The following DNAJC21 variants were observed in gnomAD, a reference collection of about 807,000 sequenced individuals.
DNAJC21 encodes the protein dnaJ homolog subfamily C member 21.
In DNAJC21, 63 loss-of-function variants were observed where a neutral mutation model predicts 72.4. The observed-to-expected ratio is 0.87, with a 90% CI of 0.71 to 1.07. The LOEUF is 1.07. Among genes scored for constraint, DNAJC21 ranks in the 50% least tolerant of loss-of-function variants. DNAJC21 has a pLI of 0.00. For synonymous variants in DNAJC21, 203 were observed against 216.7 expected (o/e 0.94, Z 0.56); for missense variants, 634 against 644.8 (o/e 0.98, Z 0.18).
intron 9 of DNAJC21, chr5:34,949,700 AG>A (rs1417659953): frequency 6.2e-7 from 1 of 1,612,410 alleles, no homozygotes; most frequent in Non-Finnish European, 8.5e-7. Context: ...TATGTTTGCC[AG>A]GCGTCTTTCT....
chr5:34,947,606 T>A (rs1411414278), intron 9 of DNAJC21, among the ~76,000 whole-genome samples: 1 of 151,986 alleles, frequency 6.6e-6, no homozygotes, highest in Admixed American at 6.6e-5. Context: ...TTGTATATGA[T>A]TCAAGGAGAG....
chr5:34,935,393 G>A (rs1764734706), intron 2 of DNAJC21, among the ~76,000 whole-genome samples: 1 of 152,104 alleles, frequency 6.6e-6, no homozygotes, highest in African/African-American at 2.4e-5. Flanking sequence ...GATTTCCTAT[G>A]TCCTGTTTTA....
intron 11 of DNAJC21, 126 bp downstream of exon 11, chr5:34,954,127 C>A: frequency 1.3e-6 from 1 of 795,710 alleles, no homozygotes; most frequent in Non-Finnish European, 1.9e-6. Flanking sequence ...GTGGATCCAT[C>A]AACAGTTTTG....
At chr5:34,947,735 T>C (rs1029457172) in intron 9 of DNAJC21, among the ~76,000 whole-genome samples, 2 of 150,892 alleles carry the variant, frequency 1.3e-5, no homozygotes, top group African/African-American at 4.9e-5. Context: ...CATTTAATCA[T>C]ATATAGAAGA....
Position 34,954,606 on chromosome 5 carries a change from AC to A in DNAJC21, c.1489del (p.Leu497PhefsTer5). 6.2e-7 allele frequency: 1 copy of A among 1,613,444 alleles called. No homozygotes were observed. The highest frequency in any genetic ancestry group is 8.5e-7 in the Non-Finnish European group (1 of 1,179,770). On this transcript the variant is annotated frameshift_variant, in exon 12 of 12. Transcript: ENST00000648817. LOFTEE classifies it high-confidence loss of function. ...CHSEFPSRNKLFDHLKATGHA... is the reference protein window; with the variant it reads ...CHSEFPSRNKXFDHLKATGHA... ...ATAGTGAATTTCCATCTCGGAATAA[AC>A]TTTTTGACCATCTAAAGGCCACAGG...
At chr5:34,950,424 T>C (rs1765324378) in intron 10 of DNAJC21, 82 bp downstream of exon 10, 1 of 1,503,166 alleles carries the variant, frequency 6.7e-7, no homozygotes, top group African/African-American at 1.4e-5. Flanking sequence ...AATAAAATCT[T>C]CTTTCCCATG....
At position 34,954,607 on chromosome 5, in the gene DNAJC21, C is replaced by A; in HGVS notation, c.1489C>A (p.Leu497Ile). The part of the protein sequence containing the change: ...CHSEFPSRNK[L>I]FDHLKATGHA... ...TAGTGAATTTCCATCTCGGAATAAA[C>A]TTTTTGACCATCTAAAGGCCACAGG... The change falls in exon 12 of 12, where the codon CTT becomes ATT. Residue 497 changes from leucine (L) to isoleucine (I), a missense_variant. Coordinates refer to ENST00000648817, the MANE Select transcript of DNAJC21 (RefSeq NM_001012339.3). The A allele has an allele frequency of 6.2e-7, 1 of 1,613,464 alleles. No individual in the cohort carries two copies. Among genetic ancestry groups the A allele is most frequent in the Non-Finnish European group, 8.5e-7 (1 of 1,179,774 alleles).
chr5:34,951,728 G>C (rs1450599635), intron 10 of DNAJC21: 4 of 869,402 alleles, frequency 4.6e-6, no homozygotes, highest in Admixed American at 6.2e-5. Context: ...GTTTCACCAT[G>C]TTGCACAGGG....
At chr5:34,951,802 G>A in intron 10 of DNAJC21, 1 of 985,618 alleles carries the variant, frequency 1.0e-6, no homozygotes, top group Non-Finnish European at 1.2e-6. Flanking sequence ...GGGATTGCAG[G>A]TGTGAGCTAC....
intron 10 of DNAJC21, chr5:34,950,752 G>A (rs1200217778): frequency 2.0e-6 from 2 of 988,910 alleles, no homozygotes; most frequent in African/African-American, 3.5e-5. Context: ...ACCATGTTGT[G>A]AGGACACATG....
At chr5:34,934,839 A>G (rs1171753585) in intron 2 of DNAJC21, among the ~76,000 whole-genome samples, 1 of 152,238 alleles carries the variant, frequency 6.6e-6, no homozygotes, top group Non-Finnish European at 1.5e-5. Context: ...AAAGGCTGCA[A>G]AGAAAATTCT....
chr5:34,947,794 G>T (rs1397154729), intron 9 of DNAJC21, among the ~76,000 whole-genome samples: 1 of 150,064 alleles, frequency 6.7e-6, no homozygotes, highest in Non-Finnish European at 1.5e-5. Flanking sequence ...TTCTGTCTTT[G>T]TGTCAGTACC....
chr5:34,946,170 T>TA (rs1404775435), intron 9 of DNAJC21, among the ~76,000 whole-genome samples: 1 of 152,166 alleles, frequency 6.6e-6, no homozygotes, highest in Non-Finnish European at 1.5e-5. Flanking sequence ...GTCATTTTTT[T>TA]ATCTCAGTTT....
At chr5:34,944,415 C>A (rs1439946647) in intron 7 of DNAJC21, among the ~76,000 whole-genome samples, 1 of 152,198 alleles carries the variant, frequency 6.6e-6, no homozygotes, top group African/African-American at 2.4e-5. Flanking sequence ...AGTGATCCCT[C>A]CAAGTCTGTG....
chr5:34,950,516 A>T, intron 10 of DNAJC21, 174 bp downstream of exon 10: 10 of 1,269,996 alleles, frequency 7.9e-6, no homozygotes, highest in Non-Finnish European at 9.9e-6. Flanking sequence ...AAGAGCGTTG[A>T]GAAGAGGATG....
At chr5:34,938,577 T>C (rs553879395) in intron 5 of DNAJC21, among the ~76,000 whole-genome samples, 4 of 152,338 alleles carry the variant, frequency 2.6e-5, no homozygotes, top group Admixed American at 2.6e-4. Context: ...ATTAACACTT[T>C]ACCTACATGA....
At chr5:34,941,263 T>G in intron 7 of DNAJC21, 80 bp downstream of exon 7, 4 of 1,291,046 alleles carry the variant, frequency 3.1e-6, no homozygotes, top group Non-Finnish European at 4.4e-6. Context: ...AGTGGCACAG[T>G]CATGACTCAC....
intron 6 of DNAJC21, 43 bp downstream of exon 6, chr5:34,939,052 T>C (rs907648703): frequency 4.2e-6 from 6 of 1,443,208 alleles, no homozygotes; most frequent in African/African-American, 1.4e-5. Flanking sequence ...GTTTTTTAAG[T>C]GAAGCTGGAA....
rs1429400677 is a variant in DNAJC21, at chr5:34,956,493, A to G, written c.*1779A>G. The G allele has an allele frequency of 2.6e-5, 4 of 152,176 alleles. No individual in the cohort carries two copies. Among genetic ancestry groups the G allele is most frequent in the Non-Finnish European group, 2.9e-5 (2 of 68,030 alleles). The allele number at this position is 152,176 out of a possible 1,614,324, so 9.4% of individuals were successfully genotyped here. On this transcript the variant is annotated 3_prime_UTR_variant, in exon 12 of 12. Transcript: ENST00000648817. ...TCTCGTACCCTGAGACTTCATCTGA[A>G]TGTGCTCTGCCGCCTTCTTATCTGA...
Sources: gnomAD v4.1 joint callset for allele counts (sites outside exome capture counted in the v4.1 genomes callset) on GRCh38, gnomAD v4.1.1 for gene constraint, MANE v1.5 for transcripts, NCBI Gene and HGNC (gene_info 2026-07-23, HGNC 2026-07-21) for gene names.